The following GPC2 variants were observed in gnomAD, a reference collection of about 807,000 sequenced individuals.
GPC2 encodes the protein glypican 2.
Under a neutral mutation model 57.3 loss-of-function variants are expected in GPC2, and 42 were observed. The observed-to-expected ratio is 0.73, with a 90% CI of 0.57 to 0.95. The LOEUF is 0.95. Ranked by LOEUF, GPC2 falls within the 40% of genes least tolerant of loss-of-function variation. GPC2 has a pLI of 0.00. For missense variants in GPC2, 745 were observed against 793.6 expected (o/e 0.94, Z 0.74); for synonymous variants, 364 against 343.4 (o/e 1.06, Z -0.66).
Position 100,173,863 on chromosome 7 carries a change from T to C in GPC2, c.864A>G (p.Gly288=), listed in dbSNP as rs1157659501. The change falls in exon 5 of 10, where the codon GGA becomes GGG. Residue 288 remains glycine, a synonymous_variant. Coordinates refer to ENST00000292377, the MANE Select transcript of GPC2 (RefSeq NM_152742.3). ...NVVRGCLSSR[G]LEPDWGNYLD... is the part of the protein sequence containing the mutation. ...GATAGTTGCCCCAGTCAGGCTCCAG[T>C]CCCCTGCTGCTGAGACAGCCACGAA... 1 of 1,584,562 alleles carries C rather than the reference T, an allele frequency of 6.3e-7. No homozygotes were observed. The highest frequency in any genetic ancestry group is 2.4e-5 in the East Asian group (1 of 41,902).
chr7:100,174,388 G>C (rs1401972847), intron 4 of GPC2: 1 of 540,464 alleles, frequency 1.9e-6, no homozygotes, highest in Non-Finnish European at 3.3e-6. Flanking sequence ...GGATCCTGGG[G>C]GGTTGGGCGG....
Position 100,171,183 on chromosome 7 carries a change from C to A in GPC2, c.1486+78G>T. On this transcript the variant is annotated intron_variant, in intron 9 of 9. Transcript: ENST00000292377. The surrounding 1 kb of genome is among the most constrained non-coding windows in gnomAD (Gnocchi z 4.8). ...TCAATGAACGCTAAGAGCAGAGGCA[C>A]GGGCGGGAACTACCAGGAGAGGGGA... 3.2e-6 allele frequency: 4 copies of A among 1,263,264 alleles called. No individual in the cohort carries two copies. Among genetic ancestry groups the A allele is most frequent in the South Asian group, 3.0e-5 (2 of 66,492 alleles). 78.3% of individuals were successfully genotyped at this position (1,263,264 alleles called of 1,614,324 possible). A position where few individuals can be genotyped will look rare whatever the true frequency, so the allele number is the denominator to read the frequency against.
At position 100,171,475 on chromosome 7, in the gene GPC2, G is replaced by T; in HGVS notation, c.1311-39C>A. 1 of 1,353,000 alleles carries T rather than the reference G, an allele frequency of 7.4e-7. No homozygotes were observed. The highest frequency in any genetic ancestry group is 9.5e-7 in the Non-Finnish European group (1 of 1,058,030). The allele number at this position is 1,353,000 out of a possible 1,614,324, so 83.8% of individuals were successfully genotyped here. On this transcript the variant is annotated intron_variant, in intron 8 of 9. Coordinates refer to ENST00000292377, the MANE Select transcript of GPC2 (RefSeq NM_152742.3). The surrounding 1 kb of genome is among the most constrained non-coding windows in gnomAD (Gnocchi z 4.8). ...AGCCCCGAAGCGCCAGCTAGCGCGCGCGGCCCCGCCCCTCCCGGCCGCGGT... is the reference window on the plus strand; with the variant it reads ...AGCCCCGAAGCGCCAGCTAGCGCGCTCGGCCCCGCCCCTCCCGGCCGCGGT...
intron 5 of GPC2, among the ~76,000 whole-genome samples, chr7:100,172,733 G>A (rs1453404061): frequency 3.5e-4 from 47 of 132,458 alleles, no homozygotes; most frequent in East Asian, 1.2e-3. Context: ...GTATATATAT[G>A]TGTATATATA....
In GPC2 at chr7:100,170,148, T is replaced by G; in HGVS notation, c.*82A>C. The G allele has an allele frequency of 7.1e-7, 1 of 1,416,656 alleles. No individual in the cohort carries two copies. 87.8% of individuals were successfully genotyped at this position (1,416,656 alleles called of 1,614,324 possible). A position where few individuals can be genotyped will look rare whatever the true frequency, so the allele number is the denominator to read the frequency against. On this transcript the variant is annotated 3_prime_UTR_variant, in exon 10 of 10. Transcript: ENST00000292377. The stretch of plus-strand genomic sequence containing the variant: ...TTCTCTACCCTCTCTGCAGCCCCCT[T>G]CGACTCCTCCCCAGGCCCAGCTGAG...
chr7:100,173,360 T>C (rs890739304), intron 5 of GPC2: 3 of 152,346 alleles, frequency 2.0e-5, no homozygotes, highest in African/African-American at 7.2e-5. Flanking sequence ...CTCTAACTCC[T>C]GGGATCAAGG....
rs1799177493 is a variant in GPC2 at position 100,171,545 on chromosome 7, C to T, written c.1304G>A (p.Arg435Gln). 3.5e-6 allele frequency: 5 copies of T among 1,449,240 alleles called. No individual in the cohort carries two copies. Among genetic ancestry groups the T allele is most frequent in the Non-Finnish European group, 4.5e-6 (5 of 1,108,208 alleles). The allele number at this position is 1,449,240 out of a possible 1,614,324, so 89.8% of individuals were successfully genotyped here. A position where few individuals can be genotyped will look rare whatever the true frequency, so the allele number is the denominator to read the frequency against. ...CGACGCCCCCGAGGCTCACCGGCCC[C>T]GCCCGGCTCCGGTCCAGCAGGGCGC... ...EAAPCWTGAGRGRYLPPVVGG... is the reference protein window; with the variant it reads ...EAAPCWTGAGQGRYLPPVVGG... Residue 435 changes from arginine (R) to glutamine (Q), a missense_variant, in exon 8 of 10, where the codon CGG (arginine) becomes CAG (glutamine). This residue lies in a region of GPC2 where 607 missense variants were observed against 603.9 expected (regional missense o/e 1.01). Transcript: ENST00000292377. The surrounding 1 kb of genome is among the most constrained non-coding windows in gnomAD (Gnocchi z 4.8).
chr7:100,175,099 T>C (rs1799245062), intron 3 of GPC2, among the ~76,000 whole-genome samples: 1 of 152,228 alleles, frequency 6.6e-6, no homozygotes, highest in Admixed American at 6.5e-5. Flanking sequence ...CTGAAAAGCT[T>C]AATCTCTGGG....
At chr7:100,176,151 G>A in intron 2 of GPC2, 56 bp downstream of exon 2, 1 of 1,496,176 alleles carries the variant, frequency 6.7e-7, no homozygotes, top group Non-Finnish European at 9.1e-7. Context: ...GCCTTGCTGG[G>A]GTCCTAAGCA....
Position 100,170,175 on chromosome 7 carries a change from G to C in GPC2, c.*55C>G. ...GACTCCTCCCCAGGCCCAGCTGAGG[G>C]GGGAGGAGGGGAAAGGGCCATGAAC... On this transcript the variant is annotated 3_prime_UTR_variant, in exon 10 of 10. Transcript: ENST00000292377. The C allele has an allele frequency of 1.3e-5, 20 of 1,485,600 alleles. No individual in the cohort carries two copies. Among genetic ancestry groups the C allele is most frequent in the Non-Finnish European group, 1.6e-5 (18 of 1,108,246 alleles). The allele number at this position is 1,485,600 out of a possible 1,614,324, so 92.0% of individuals were successfully genotyped here.
intron 3 of GPC2, among the ~76,000 whole-genome samples, 186 bp from the exon 4 acceptor site, chr7:100,174,951 A>G (rs1049763569): frequency 3.9e-5 from 6 of 151,910 alleles, no homozygotes; most frequent in African/African-American, 1.2e-4. Flanking sequence ...GTCTTAAAGA[A>G]AAACAAAGGA....
chr7:100,171,650 C>A lies in GPC2; in HGVS notation c.1199G>T (p.Arg400Leu), dbSNP rs865840477. ...CAGCCGGGCCCAGAAGCCCCGCATC[C>A]GGGCCAGACGCTCGCGGAGCTCCCA... is the stretch of plus-strand genomic sequence containing the variant. Reference protein sequence around the residue: ...LVWELRERLARMRGFWARLSL... With the variant: ...LVWELRERLALMRGFWARLSL... The change falls in exon 8 of 10, where the codon CGG (arginine) becomes CTG (leucine). Residue 400 changes from arginine (R) to leucine (L), a missense_variant. By Grantham distance (102) the Arg-to-Leu change is moderately radical (BLOSUM62 -2). Transcript: ENST00000292377. The surrounding 1 kb of genome is among the most constrained non-coding windows in gnomAD (Gnocchi z 4.8). The A allele has an allele frequency of 6.6e-7, 1 of 1,519,010 alleles. No individual in the cohort carries two copies. Among genetic ancestry groups the A allele is most frequent in the East Asian group, 2.6e-5 (1 of 37,958 alleles). The allele number at this position is 1,519,010 out of a possible 1,614,324, so 94.1% of individuals were successfully genotyped here. A position where few individuals can be genotyped will look rare whatever the true frequency, so the allele number is the denominator to read the frequency against.
At chr7:100,176,109 C>A in intron 2 of GPC2, 98 bp downstream of exon 2, 1 of 1,235,532 alleles carries the variant, frequency 8.1e-7, no homozygotes, top group East Asian at 2.5e-5. Context: ...GGGATGGAGT[C>A]TTCACAGATG....
Position 100,171,726 on chromosome 7 carries a change from A to G in GPC2, c.1171-48T>C, listed in dbSNP as rs1225657114. 6.7e-7 allele frequency: 1 copy of G among 1,492,472 alleles called. No homozygotes were observed. The highest frequency in any genetic ancestry group is 8.9e-7 in the Non-Finnish European group (1 of 1,128,584). The allele number at this position is 1,492,472 out of a possible 1,614,324, so 92.5% of individuals were successfully genotyped here. A position where few individuals can be genotyped will look rare whatever the true frequency, so the allele number is the denominator to read the frequency against. On this transcript the variant is annotated intron_variant, in intron 7 of 9. Coordinates refer to ENST00000292377, the MANE Select transcript of GPC2 (RefSeq NM_152742.3). This position sits in a 1 kb window ranked among gnomAD's most constrained non-coding sequence, Gnocchi z 4.8. ...GGCGAGCTGGAGCGCGACCCCCACAACCATCCCCGGCCCCGGGCCCCCCCG... is the reference window on the plus strand; with the variant it reads ...GGCGAGCTGGAGCGCGACCCCCACAGCCATCCCCGGCCCCGGGCCCCCCCG...
chr7:100,176,228 C>A lies in GPC2; in HGVS notation c.304G>T (p.Ala102Ser), dbSNP rs767801145. ...SGSFLVHTLA[A>S]RHRKFDEFFL... ...TCACCATCAAATTTTCTGTGCCTGGCAGCCAGTGTGTGAACCAGAAAGGAG... is the reference window on the plus strand; with the variant it reads ...TCACCATCAAATTTTCTGTGCCTGGAAGCCAGTGTGTGAACCAGAAAGGAG... Residue 102 changes from alanine (A) to serine (S), a missense_variant, in exon 2 of 10, where the codon GCC becomes TCC. Around this residue, in one of 2 missense-constraint regions of GPC2, gnomAD observed 138 missense variants for 189.8 expected, o/e 0.73. Coordinates refer to ENST00000292377, the MANE Select transcript of GPC2 (RefSeq NM_152742.3). 8 of 1,611,464 alleles carry A rather than the reference C, an allele frequency of 5.0e-6. No homozygotes were observed. The highest frequency in any genetic ancestry group is 6.8e-6 in the Non-Finnish European group (8 of 1,178,834).
Position 100,171,730 on chromosome 7 carries a change from TCC to T in GPC2, c.1170+47_1170+48del. 1.4e-6 allele frequency: 2 copies of T among 1,423,632 alleles called. No individual in the cohort carries two copies. Among genetic ancestry groups the T allele is most frequent in the Non-Finnish European group, 1.9e-6 (2 of 1,066,636 alleles). 88.2% of individuals were successfully genotyped at this position (1,423,632 alleles called of 1,614,324 possible). A position where few individuals can be genotyped will look rare whatever the true frequency, so the allele number is the denominator to read the frequency against. The stretch of plus-strand genomic sequence containing the variant: ...AGCTGGAGCGCGACCCCCACAACCA[TCC>T]CCGGCCCCGGGCCCCCCCGCCCCCA... On this transcript the variant is annotated intron_variant, in intron 7 of 9. Transcript: ENST00000292377. This position sits in a 1 kb window ranked among gnomAD's most constrained non-coding sequence, Gnocchi z 4.8.
At chr7:100,175,392 G>A (rs561638349) in intron 3 of GPC2, among the ~76,000 whole-genome samples, 180 bp downstream of exon 3, 1 of 152,258 alleles carries the variant, frequency 6.6e-6, no homozygotes, top group African/African-American at 2.4e-5. Context: ...GGGGCACTGG[G>A]TCGGGCAGTG....
At chr7:100,174,094 C>G in intron 4 of GPC2, 97 bp from the exon 5 acceptor site, 1 of 1,180,842 alleles carries the variant, frequency 8.5e-7, no homozygotes, top group Admixed American at 2.9e-5. Flanking sequence ...ATACCCCACC[C>G]TACACCTAGG....
chr7:100,176,915 T>A (rs1562959484), intron 1 of GPC2, 119 bp downstream of exon 1: 2 of 740,028 alleles, frequency 2.7e-6, no homozygotes, highest in East Asian at 6.1e-5. Flanking sequence ...CAGACATTAC[T>A]GTGGGATGAA....
Sources: gnomAD v4.1 joint callset for allele counts (sites outside exome capture counted in the v4.1 genomes callset) on GRCh38, gnomAD v4.1.1 for gene constraint, gnomAD v4.1.1 regional missense constraint, Gnocchi (gnomAD v3.1) non-coding constraint, MANE v1.5 for transcripts, NCBI Gene and HGNC (gene_info 2026-07-23, HGNC 2026-07-21) for gene names.